The following EIF3M variants were observed in gnomAD, a reference collection of about 807,000 sequenced individuals.
EIF3M encodes B5 receptor.
EIF3M carries 25 observed loss-of-function variants against 49.7 expected under a neutral mutation model. The ratio of observed to expected loss-of-function variants is 0.50; its 90% CI spans 0.37 to 0.70. The LOEUF is 0.70. Among genes scored for constraint, EIF3M ranks in the 30% least tolerant of loss-of-function variants. The pLI is 0.00. For synonymous variants in EIF3M, 156 were observed against 149.8 expected, an observed-to-expected ratio of 1.04 and a Z score of -0.30; for missense variants, 350 against 440.0, an observed-to-expected ratio of 0.80 and a Z score of 1.83.
At position 32,589,112 on chromosome 11, in the gene EIF3M, T is replaced by A; in HGVS notation, c.415T>A (p.Tyr139Asn). ...KVAASCGAIQYIPTELDQVRK... is the reference protein window; with the variant it reads ...KVAASCGAIQNIPTELDQVRK... ...GGCAGCATCTTGTGGGGCCATCCAG[T>A]ACATCCCAACTGAGCTGGATCAAGT... Residue 139 changes from tyrosine (Y) to asparagine (N), a missense_variant, in exon 4 of 11, where the codon TAC becomes AAC. Tyr to Asn is a moderately radical substitution (Grantham distance 143). Transcript: ENST00000531120. 1 of 1,614,192 alleles carries A rather than the reference T, an allele frequency of 6.2e-7. No individual in the cohort carries two copies. Among genetic ancestry groups the A allele is most frequent in the Non-Finnish European group, 8.5e-7 (1 of 1,180,018 alleles).
In EIF3M at chr11:32,600,780, G is replaced by A. The variant is rs779742418; in HGVS notation, c.891G>A (p.Met297Ile). The A allele has an allele frequency of 1.8e-5, 29 of 1,611,590 alleles. 1 individual carries two copies. The South Asian group carries it at 3.1e-4, about 17-fold the overall frequency. Residue 297 changes from methionine to isoleucine, a missense_variant, in exon 9 of 11, where the codon ATG becomes ATA. Met to Ile is a conservative substitution (Grantham distance 10). Coordinates refer to ENST00000531120, the MANE Select transcript of EIF3M (RefSeq NM_006360.6). ...VENKEISFDT[M>I]QQELQIGADD... Reference sequence around the variant, plus strand: ...ATAAGGAAATTTCTTTTGACACAATGCAGCAAGAACTTCAGATTGGAGCTG... The same window carrying A: ...ATAAGGAAATTTCTTTTGACACAATACAGCAAGAACTTCAGATTGGAGCTG...
intron 8 of EIF3M, 103 bp downstream of exon 8, chr11:32,596,150 A>C (rs1855174178): frequency 1.1e-6 from 1 of 878,056 alleles, no homozygotes; most frequent in African/African-American, 1.8e-5. Context: ...CCTTATTTGT[A>C]GATTATCCTA....
intron 10 of EIF3M, 159 bp downstream of exon 10, chr11:32,601,981 T>G: frequency 2.3e-6 from 2 of 880,784 alleles, no homozygotes; most frequent in Non-Finnish European, 3.5e-6. Flanking sequence ...TGAATGTGAT[T>G]AGCTTATTTA....
intron 10 of EIF3M, 166 bp from the exon 11 acceptor site, chr11:32,602,113 T>C: frequency 9.0e-7 from 1 of 1,117,114 alleles, no homozygotes. Context: ...AGGATCAATA[T>C]GGTAAAGATT....
Position 32,603,134 on chromosome 11 carries a change from T to G in EIF3M, c.*735T>G. On this transcript the variant is annotated 3_prime_UTR_variant, in exon 11 of 11. Transcript: ENST00000531120. The stretch of plus-strand genomic sequence containing the variant: ...GTAAAACCACCATCTCTTGGCTGAT[T>G]TCCACTACCTTAGTAGTTCTGGCAC... 1.3e-6 allele frequency: 1 copy of G among 761,284 alleles called. No individual in the cohort carries two copies. The highest frequency in any genetic ancestry group is 2.1e-6 in the Non-Finnish European group (1 of 472,322). The allele number at this position is 761,284 out of a possible 1,614,324, so 47.2% of individuals were successfully genotyped here.
chr11:32,600,213 A>G (rs963568209), intron 8 of EIF3M, among the ~76,000 whole-genome samples: 6 of 151,924 alleles, frequency 3.9e-5, no homozygotes, highest in Admixed American at 1.3e-4. Context: ...AAGTATTTTA[A>G]AACTTCAGGT....
Position 32,587,112 on chromosome 11 carries a change from C to A in EIF3M, c.143C>A (p.Ala48Asp), listed in dbSNP as rs755251530. 6.2e-7 allele frequency: 1 copy of A among 1,611,204 alleles called. No homozygotes were observed. Among genetic ancestry groups the A allele is most frequent in the Non-Finnish European group, 8.5e-7 (1 of 1,178,074 alleles). ...LHVDLAQIIE[A>D]CDVCLKEDDK... The stretch of plus-strand genomic sequence containing the variant: ...GTTGATTTAGCTCAAATTATTGAAG[C>A]CTGTGATGTGTGTCTGAAGGAGGAT... The change falls in exon 2 of 11, where the codon GCC (alanine) becomes GAC (aspartate). Residue 48 changes from alanine (A) to aspartate (D), a missense_variant. Ala to Asp is a moderately radical substitution (Grantham distance 126). Transcript: ENST00000531120.
chr11:32,586,893 A>T, intron 1 of EIF3M, 119 bp from the exon 2 acceptor site: 1 of 1,359,542 alleles, frequency 7.4e-7, no homozygotes, highest in African/African-American at 1.5e-5. Flanking sequence ...GGTCTTCAAC[A>T]TTATTTGAAA....
Position 32,602,828 on chromosome 11 carries a change from T to G in EIF3M, c.*429T>G. 1 of 1,596,732 alleles carries G rather than the reference T, an allele frequency of 6.3e-7. No individual in the cohort carries two copies. The highest frequency in any genetic ancestry group is 8.5e-7 in the Non-Finnish European group (1 of 1,171,944). ...TATCTACATTATTTTAATCTGTTGT[T>G]TTTTTCCAACGTCTCTTCTGCTTTT... On this transcript the variant is annotated 3_prime_UTR_variant, in exon 11 of 11. Transcript: ENST00000531120.
rs189214636 is a variant in EIF3M at position 32,604,433 on chromosome 11, C to A, written c.*2034C>A. The A allele has an allele frequency of 6.6e-6, 1 of 152,106 alleles. No homozygotes were observed. The highest frequency in any genetic ancestry group is 1.5e-5 in the Non-Finnish European group (1 of 68,018). 9.4% of individuals were successfully genotyped at this position (152,106 alleles called of 1,614,324 possible). A position where few individuals can be genotyped will look rare whatever the true frequency, so the allele number is the denominator to read the frequency against. ...GTGTTTTAGTTGAAAGGGATATACA[C>A]GTGTATTTTAGAAATATGAAACAGG... On this transcript the variant is annotated 3_prime_UTR_variant, in exon 11 of 11. Coordinates refer to ENST00000531120, the MANE Select transcript of EIF3M (RefSeq NM_006360.6).
intron 8 of EIF3M, among the ~76,000 whole-genome samples, chr11:32,597,218 A>G (rs756147168): frequency 6.6e-6 from 1 of 152,252 alleles, no homozygotes; most frequent in Non-Finnish European, 1.5e-5. Flanking sequence ...TAAGCTAAAC[A>G]TTATTCTTAA....
chr11:32,586,951 A>G, intron 1 of EIF3M, 61 bp from the exon 2 acceptor site: 1 of 1,479,650 alleles, frequency 6.8e-7, no homozygotes. Flanking sequence ...GAAAGAGGAC[A>G]GAATTTGAGA....
At chr11:32,598,784 T>TTA (rs1437424404) in intron 8 of EIF3M, among the ~76,000 whole-genome samples, 2 of 152,012 alleles carry the variant, frequency 1.3e-5, no homozygotes, top group Admixed American at 1.3e-4. Context: ...TTCTATCACT[T>TTA]TATATTGAAA....
chr11:32,602,382 A>T lies in EIF3M; in HGVS notation c.1108A>T (p.Ser370Cys), dbSNP rs763789706. 3 of 1,611,694 alleles carry T rather than the reference A, an allele frequency of 1.9e-6. No homozygotes were observed. The highest frequency in any genetic ancestry group is 2.5e-6 in the Non-Finnish European group (3 of 1,178,598). ...NLNKVKNSLL[S>C]LSDT ...GAACAAAGTGAAAAACAGCCTTTTG[A>T]GTCTTTCTGATACCTGAGTTTTTAT... The change falls in exon 11 of 11, where the codon AGT becomes TGT. Residue 370 changes from serine to cysteine, a missense_variant. By Grantham distance (112) the Ser-to-Cys change is moderately radical. Transcript: ENST00000531120.
intron 10 of EIF3M, chr11:32,602,033 G>A: frequency 1.2e-6 from 1 of 833,412 alleles, no homozygotes; most frequent in African/African-American, 1.7e-5. Context: ...TTTAATGGCT[G>A]AGCATTGGCT....
Position 32,587,077 on chromosome 11 carries a change from T to C in EIF3M, c.108T>C (p.Gly36=). The change falls in exon 2 of 11, where the codon GGT becomes GGC. Residue 36 remains glycine (G), a synonymous_variant. Coordinates refer to ENST00000531120, the MANE Select transcript of EIF3M (RefSeq NM_006360.6). ...GAEISEENSE[G]GLHVDLAQII... ...AGATTTCAGAAGAGAACTCGGAAGG[T>C]GGACTTCATGTTGATTTAGCTCAAA... The C allele has an allele frequency of 6.2e-7, 1 of 1,613,048 alleles. No individual in the cohort carries two copies. Among genetic ancestry groups the C allele is most frequent in the Non-Finnish European group, 8.5e-7 (1 of 1,179,160 alleles).
At position 32,593,847 on chromosome 11, in the gene EIF3M, A is replaced by G; in HGVS notation, c.534-19A>G. The G allele has an allele frequency of 1.3e-6, 2 of 1,548,066 alleles. No homozygotes were observed. Among genetic ancestry groups the G allele is most frequent in the Non-Finnish European group, 1.7e-6 (2 of 1,149,304 alleles). On this transcript the variant is annotated intron_variant, in intron 5 of 10. Coordinates refer to ENST00000531120, the MANE Select transcript of EIF3M (RefSeq NM_006360.6). ...TAGCAGTAATGCTTTCAAGTTCCTAAAGCAATATTTCTTTTTAGTGATGCT... is the reference window on the plus strand; with the variant it reads ...TAGCAGTAATGCTTTCAAGTTCCTAGAGCAATATTTCTTTTTAGTGATGCT...
intron 8 of EIF3M, among the ~76,000 whole-genome samples, chr11:32,596,250 G>T (rs1350638770): frequency 6.6e-6 from 1 of 152,142 alleles, no homozygotes; most frequent in Non-Finnish European, 1.5e-5. Context: ...AACCAAGAAG[G>T]TGTAGGAGGT....
intron 2 of EIF3M, among the ~76,000 whole-genome samples, chr11:32,587,796 G>A (rs1184257418): frequency 6.6e-6 from 1 of 152,058 alleles, no homozygotes; most frequent in African/African-American, 2.4e-5. Context: ...TGTTGAGTTC[G>A]GAAATCTCTA....
Sources: gnomAD v4.1 joint callset for allele counts (sites outside exome capture counted in the v4.1 genomes callset) on GRCh38, gnomAD v4.1.1 for gene constraint, MANE v1.5 for transcripts, NCBI Gene and HGNC (gene_info 2026-07-23, HGNC 2026-07-21) for gene names.